The following SEMA7A variants were observed in gnomAD, a reference collection of about 807,000 sequenced individuals.
The protein encoded by SEMA7A is semaphorin 7A (JohnMiltonHagen blood group).
In SEMA7A, 21 loss-of-function variants were observed where a neutral mutation model predicts 67.5. The observed-to-expected ratio is 0.31, with a 90% confidence interval of 0.22 to 0.45. SEMA7A has a LOEUF of 0.45. SEMA7A is among the 20% of genes least tolerant of loss of function. SEMA7A has a pLI of 1.00. For missense variants in SEMA7A, 774 were observed against 908.6 expected (o/e 0.85, Z 1.90); for synonymous variants, 364 against 368.5 (o/e 0.99, Z 0.14).
chr15:74,418,964 A>AC lies in SEMA7A; in HGVS notation c.179-13dup, dbSNP rs1472045421. On this transcript the variant is annotated splice_polypyrimidine_tract_variant and intron_variant, in intron 1 of 13. Coordinates refer to ENST00000261918, the MANE Select transcript of SEMA7A (RefSeq NM_003612.5). ...CTGCCCTACATGGCCTGAGGAGGAG[A>AC]CAATTAGTAGAAACATTGAAGCCAG... 6.8e-6 allele frequency: 11 copies of AC among 1,611,412 alleles called. No homozygotes were observed. The highest frequency in any genetic ancestry group is 8.5e-6 in the Non-Finnish European group (10 of 1,179,562).
In SEMA7A at chr15:74,417,943, C is replaced by T. The variant is rs751034121; in HGVS notation, c.399G>A (p.Leu133=). The T allele has an allele frequency of 1.9e-6, 3 of 1,613,280 alleles. No individual in the cohort carries two copies. The Admixed American group carries it at 5.0e-5, about 27-fold the overall frequency. ...KRDCENYITL[L]ERRSEGLLAC... Reference sequence around the variant, plus strand: ...CCAGCAGCCCCTCACTCCGCCTCTCCAGGAGAGTGATGTAGTTCTCGCAGT... The same window carrying T: ...CCAGCAGCCCCTCACTCCGCCTCTCTAGGAGAGTGATGTAGTTCTCGCAGT... The change falls in exon 4 of 14, where the codon CTG becomes CTA. Residue 133 remains leucine (L), a synonymous_variant. Coordinates refer to ENST00000261918, the MANE Select transcript of SEMA7A (RefSeq NM_003612.5).
At chr15:74,415,668 ACAGCC>A in intron 8 of SEMA7A, 128 bp downstream of exon 8, 1 of 887,184 alleles carries the variant, frequency 1.1e-6, no homozygotes, top group Non-Finnish European at 1.7e-6. Context: ...ACACCCAGCA[ACAGCC>A]CAGCCTCTTG....
Position 74,415,982 on chromosome 15 carries a change from C to T in SEMA7A, c.805G>A (p.Asp269Asn). 1 of 1,613,884 alleles carries T rather than the reference C, an allele frequency of 6.2e-7. No homozygotes were observed. Among genetic ancestry groups the T allele is most frequent in the Non-Finnish European group, 8.5e-7 (1 of 1,179,864 alleles). Residue 269 changes from aspartate to asparagine, a missense_variant, in exon 8 of 14, where the codon GAC becomes AAC. Physicochemically the swap from Asp to Asn is conservative, Grantham distance 23. Transcript: ENST00000261918. ...VSRVAQLCRGDQGGESSLSVS... is the reference protein window; with the variant it reads ...VSRVAQLCRGNQGGESSLSVS... The stretch of plus-strand genomic sequence containing the variant: ...GACAGTGAACTTTCCCCACCCTGGT[C>T]CCCCTGGAAGGGTAGAGGGGAGAAG...
At chr15:74,428,504 G>A (rs1030207864) in intron 1 of SEMA7A, among the ~76,000 whole-genome samples, 7 of 152,200 alleles carry the variant, frequency 4.6e-5, no homozygotes, top group African/African-American at 7.2e-5. Context: ...TCCTAAGCTC[G>A]CGCTGTCAGG....
intron 1 of SEMA7A, among the ~76,000 whole-genome samples, chr15:74,429,178 C>T (rs910600561): frequency 3.9e-5 from 6 of 152,204 alleles, no homozygotes; most frequent in Non-Finnish European, 8.8e-5. Context: ...CCAGAGCTGC[C>T]GACCAAAGCA....
At chr15:74,425,780 A>G (rs946257929) in intron 1 of SEMA7A, among the ~76,000 whole-genome samples, 1 of 152,178 alleles carries the variant, frequency 6.6e-6, no homozygotes, top group African/African-American at 2.4e-5. Flanking sequence ...CCATGTGCTC[A>G]ATCCAGATAT....
rs375075740 is a variant in SEMA7A at position 74,423,735 on chromosome 15, T to C, written c.179-4783A>G. The stretch of plus-strand genomic sequence containing the variant: ...AAAGGAGTGACTAATGGTGGAAGTG[T>C]AGGTGCCGTGCATGTCAGAGTGGTA... On this transcript the variant is annotated intron_variant, in intron 1 of 13. Transcript: ENST00000261918. The surrounding 1 kb of genome is among the most constrained non-coding windows in gnomAD (Gnocchi z 4.1). Among the ~76,000 whole-genome samples the C allele has an allele frequency of 6.3e-4, 96 of 152,248 alleles. 1 individual carries two copies. The East Asian group carries it at 6.6e-3, about 10-fold the overall frequency.
intron 8 of SEMA7A, among the ~76,000 whole-genome samples, chr15:74,415,251 G>A (rs186071179): frequency 3.9e-4 from 59 of 152,214 alleles, no homozygotes; most frequent in Non-Finnish European, 6.6e-4. Flanking sequence ...AGGCTGTGGG[G>A]TGCTGATGCC....
chr15:74,421,775 G>A (rs1328187026), intron 1 of SEMA7A, among the ~76,000 whole-genome samples: 1 of 152,234 alleles, frequency 6.6e-6, no homozygotes, highest in Non-Finnish European at 1.5e-5. Context: ...GGGCTAAGGG[G>A]CAGGAGGGCT....
rs753664349 is a variant in SEMA7A, at chr15:74,414,760, C to T, written c.1096-15G>A. On this transcript the variant is annotated splice_polypyrimidine_tract_variant and intron_variant, in intron 9 of 13. Transcript: ENST00000261918. The surrounding 1 kb of genome is among the most constrained non-coding windows in gnomAD (Gnocchi z 4.1). ...TCTGGGAGGCACTGGGCAAGGAGAGCAGGCCCAGGTCAGTGGGGTGGTGGG... is the reference window on the plus strand; with the variant it reads ...TCTGGGAGGCACTGGGCAAGGAGAGTAGGCCCAGGTCAGTGGGGTGGTGGG... 1.9e-6 allele frequency: 3 copies of T among 1,614,066 alleles called. No individual in the cohort carries two copies. The South Asian group carries it at 3.3e-5, about 18-fold the overall frequency.
chr15:74,419,037 C>A, intron 1 of SEMA7A, 85 bp from the exon 2 acceptor site: 1 of 1,483,030 alleles, frequency 6.7e-7, no homozygotes. Context: ...CACACTGGAA[C>A]CAGTGCTTGG....
rs541143637 is a variant in SEMA7A at position 74,429,870 on chromosome 15, C to T, written c.178+3871G>A. ...ATCCTACTAAGTGGGGTGCTTCCTC[C>T]TGTTCCTTCCCTCCCCCAGCTGGCT... On this transcript the variant is annotated intron_variant, in intron 1 of 13. Transcript: ENST00000261918. 4.0e-4 allele frequency among the ~76,000 whole-genome samples: 61 copies of T among 152,228 alleles called. 1 individual carries two copies. The highest frequency in any genetic ancestry group is 1.4e-3 in the African/African-American group (57 of 41,520).
At chr15:74,426,224 G>A (rs180901684) in intron 1 of SEMA7A, among the ~76,000 whole-genome samples, 317 of 152,244 alleles carry the variant, frequency 2.1e-3, no homozygotes, top group African/African-American at 7.3e-3. Flanking sequence ...ATAGTGAGCT[G>A]AGACCACGCC....
chr15:74,421,652 G>A (rs1036584363), intron 1 of SEMA7A, among the ~76,000 whole-genome samples: 2 of 152,308 alleles, frequency 1.3e-5, no homozygotes, highest in Middle Eastern at 3.4e-3. Flanking sequence ...CTGGGCTCCC[G>A]CACCGCCTGA....
At chr15:74,413,185 C>A (rs1320497665) in intron 10 of SEMA7A, among the ~76,000 whole-genome samples, 1 of 151,998 alleles carries the variant, frequency 6.6e-6, no homozygotes, top group African/African-American at 2.4e-5. Flanking sequence ...CCCACCCCAG[C>A]CACTGCCTTC....
chr15:74,413,031 C>T lies in SEMA7A; in HGVS notation c.1295-1019G>A, dbSNP rs1255312003. 2.6e-5 allele frequency among the ~76,000 whole-genome samples: 4 copies of T among 151,186 alleles called. No homozygotes were observed. In the South Asian group the frequency reaches 8.4e-4, roughly 32 times the overall value. On this transcript the variant is annotated intron_variant, in intron 10 of 13. Transcript: ENST00000261918. ...TCTAGAATAGCCTACCTCCCTCTCT[C>T]CCTCCCTCCCAATTTCCCAGGGCAT...
chr15:74,416,762 G>C (rs767350861), intron 6 of SEMA7A, 48 bp from the exon 7 acceptor site: 1 of 1,599,540 alleles, frequency 6.3e-7, no homozygotes, highest in Non-Finnish European at 8.5e-7. Flanking sequence ...AGCTTGCCCG[G>C]GAGACCATCC....
intron 10 of SEMA7A, among the ~76,000 whole-genome samples, 183 bp from the exon 11 acceptor site, chr15:74,412,195 C>T (rs2060908069): frequency 6.6e-6 from 1 of 152,194 alleles, no homozygotes; most frequent in Non-Finnish European, 1.5e-5. Flanking sequence ...CTGGAACCTT[C>T]CAAGGCTGAT....
rs2060902766 is a variant in SEMA7A, at chr15:74,411,751, CCA to C, written c.1423-43_1423-42del. 3 of 1,607,950 alleles carry C rather than the reference CCA, an allele frequency of 1.9e-6. No homozygotes were observed. The highest frequency in any genetic ancestry group is 2.5e-6 in the Non-Finnish European group (3 of 1,178,696). ...GATTGGGTCAGGCCCGGGCCCCACC[CCA>C]CACTCAGTCCTAAATGTCCAGGCCC... On this transcript the variant is annotated intron_variant, in intron 11 of 13. Transcript: ENST00000261918. The surrounding 1 kb of genome is among the most constrained non-coding windows in gnomAD (Gnocchi z 4.4).
Sources: gnomAD v4.1 joint callset for allele counts (sites outside exome capture counted in the v4.1 genomes callset) on GRCh38, gnomAD v4.1.1 for gene constraint, Gnocchi (gnomAD v3.1) non-coding constraint, MANE v1.5 for transcripts, NCBI Gene and HGNC (gene_info 2026-07-23, HGNC 2026-07-21) for gene names.